The following NUDCD1 variants were observed in gnomAD, a reference collection of about 807,000 sequenced individuals.
NUDCD1 encodes nudC domain-containing protein 1.
In NUDCD1, 60 loss-of-function variants were observed where a neutral mutation model predicts 67.8. That is an observed-to-expected ratio of 0.88 (90% CI 0.72 to 1.10). NUDCD1 has a LOEUF of 1.10. Ranked by LOEUF, NUDCD1 falls within the 50% of genes least tolerant of loss-of-function variation. The pLI is 0.00. For missense variants in NUDCD1, 643 were observed against 695.0 expected, an observed-to-expected ratio of 0.93 and a Z score of 0.84; for synonymous variants, 244 against 230.8, an observed-to-expected ratio of 1.06 and a Z score of -0.52.
chr8:109,256,272 A>T (rs1052179152), intron 8 of NUDCD1, among the ~76,000 whole-genome samples: 9 of 152,210 alleles, frequency 5.9e-5, no homozygotes, highest in Non-Finnish European at 1.2e-4. Flanking sequence ...TCAGGACTGG[A>T]TGGCAGTGTT....
Position 109,296,528 on chromosome 8 carries a change from A to C in NUDCD1, c.315T>G (p.Pro105=), listed in dbSNP as rs1563675886. 1.2e-6 allele frequency: 2 copies of C among 1,611,060 alleles called. No individual in the cohort carries two copies. The highest frequency in any genetic ancestry group is 1.7e-4 in the Middle Eastern group (1 of 6,054). Reference sequence around the variant, plus strand: ...GGTTGTCACATGCTGTCAAATCTGTAGGAAGTCGAAACACCTCTCGTGGTT... The same window carrying C: ...GGTTGTCACATGCTGTCAAATCTGTCGGAAGTCGAAACACCTCTCGTGGTT... ...LGKPREVFRL[P]TDLTACDNRL... The change falls in exon 3 of 10, where the codon CCT becomes CCG. Residue 105 remains proline (P), a synonymous_variant. Transcript: ENST00000239690.
At chr8:109,247,488 T>C (rs1813526012) in intron 8 of NUDCD1, among the ~76,000 whole-genome samples, 1 of 152,162 alleles carries the variant, frequency 6.6e-6, no homozygotes, top group South Asian at 2.1e-4. Context: ...AATAAGAGGA[T>C]AAGAATGAAG....
Position 109,243,022 on chromosome 8 carries a change from T to C in NUDCD1, c.1739A>G (p.Asn580Ser), listed in dbSNP as rs754427105. The C allele has an allele frequency of 6.3e-7, 1 of 1,578,434 alleles. No individual in the cohort carries two copies. The highest frequency in any genetic ancestry group is 8.7e-7 in the Non-Finnish European group (1 of 1,148,410). ...TTKNLFLIKV[N>S]TEN ...ATGTTAGAATAATTAATTCTCTGTA[T>C]TTACTTTTATTAAAAAGAGGTTTTT... Residue 580 changes from asparagine (N) to serine (S), a missense_variant, in exon 10 of 10, where the codon AAT becomes AGT. Transcript: ENST00000239690.
intron 2 of NUDCD1, among the ~76,000 whole-genome samples, chr8:109,308,428 C>G (rs1294809747): frequency 1.3e-5 from 2 of 151,960 alleles, no homozygotes; most frequent in Non-Finnish European, 2.9e-5. Context: ...ACTAGAAAAA[C>G]AAGAACAAAC....
chr8:109,285,803 C>A (rs1158549129), intron 5 of NUDCD1, among the ~76,000 whole-genome samples: 1 of 152,208 alleles, frequency 6.6e-6, no homozygotes, highest in East Asian at 1.9e-4. Context: ...CCTGGAAGTA[C>A]TAACCAGAGC....
At chr8:109,264,230 T>C (rs1166263182) in intron 8 of NUDCD1, among the ~76,000 whole-genome samples, 1 of 152,210 alleles carries the variant, frequency 6.6e-6, no homozygotes, top group South Asian at 2.1e-4. Flanking sequence ...GAATTGAGAT[T>C]TGGCAAACAT....
chr8:109,273,961 G>T (rs1046545713), intron 7 of NUDCD1, among the ~76,000 whole-genome samples: 1 of 151,980 alleles, frequency 6.6e-6, no homozygotes, highest in Non-Finnish European at 1.5e-5. Context: ...TATGTAAAAG[G>T]ATAATACATC....
At chr8:109,317,991 T>C (rs1469084544) in intron 2 of NUDCD1, among the ~76,000 whole-genome samples, 1 of 152,228 alleles carries the variant, frequency 6.6e-6, no homozygotes, top group Non-Finnish European at 1.5e-5. Context: ...CCTGAACTTA[T>C]ATGTAGAAGT....
At chr8:109,262,588 T>C (rs977773893) in intron 8 of NUDCD1, among the ~76,000 whole-genome samples, 1 of 152,194 alleles carries the variant, frequency 6.6e-6, no homozygotes, top group Non-Finnish European at 1.5e-5. Flanking sequence ...GCTCAAACTA[T>C]GGTTATTCAG....
chr8:109,308,403 G>A (rs966725018), intron 2 of NUDCD1, among the ~76,000 whole-genome samples: 7 of 151,980 alleles, frequency 4.6e-5, no homozygotes, highest in African/African-American at 1.7e-4. Flanking sequence ...ACAATCTAAG[G>A]TCACACCTCA....
At chr8:109,267,479 G>A (rs1814030292) in intron 8 of NUDCD1, among the ~76,000 whole-genome samples, 1 of 152,202 alleles carries the variant, frequency 6.6e-6, no homozygotes, top group African/African-American at 2.4e-5. Flanking sequence ...GTGGAAAGTA[G>A]TTTGGAGATT....
intron 2 of NUDCD1, among the ~76,000 whole-genome samples, chr8:109,301,985 A>G (rs1349786106): frequency 6.6e-6 from 1 of 152,038 alleles, no homozygotes; most frequent in Non-Finnish European, 1.5e-5. Flanking sequence ...GCTTGCCCAC[A>G]TTGCAGCCCA....
intron 2 of NUDCD1, among the ~76,000 whole-genome samples, chr8:109,309,697 C>T (rs1456996365): frequency 6.6e-6 from 1 of 152,060 alleles, no homozygotes; most frequent in Admixed American, 6.5e-5. Flanking sequence ...TAACTATTTA[C>T]CTAGAAAACC....
Position 109,322,376 on chromosome 8 carries a change from G to A in NUDCD1, c.206C>T (p.Ser69Leu), listed in dbSNP as rs1815561749. 1.3e-6 allele frequency: 2 copies of A among 1,589,284 alleles called. No individual in the cohort carries two copies. ...FGMYNYLHCD[S>L]WYQDSVYYID... ...ATAGTAGACACTGTCTTGATACCAT[G>A]AATCACAGTGCAGGTAATTATACAT... The change falls in exon 2 of 10, where the codon TCA becomes TTA. Residue 69 changes from serine to leucine, a missense_variant. Coordinates refer to ENST00000239690, the MANE Select transcript of NUDCD1 (RefSeq NM_032869.4).
At chr8:109,258,729 T>C (rs1173205263) in intron 8 of NUDCD1, among the ~76,000 whole-genome samples, 3 of 152,148 alleles carry the variant, frequency 2.0e-5, no homozygotes, top group African/African-American at 7.2e-5. Context: ...ATTTCATTAC[T>C]ATCCCAAGGA....
chr8:109,299,706 G>A (rs1036269120), intron 2 of NUDCD1, among the ~76,000 whole-genome samples: 2 of 152,186 alleles, frequency 1.3e-5, no homozygotes, highest in Non-Finnish European at 2.9e-5. Flanking sequence ...ACTCTTGGGA[G>A]TTCTACAGCC....
chr8:109,307,160 C>A (rs897849189), intron 2 of NUDCD1, among the ~76,000 whole-genome samples: 4 of 152,168 alleles, frequency 2.6e-5, no homozygotes, highest in Non-Finnish European at 5.9e-5. Flanking sequence ...TGACATTCCA[C>A]CAATGTGATT....
chr8:109,306,421 G>C (rs1189674910), intron 2 of NUDCD1, among the ~76,000 whole-genome samples: 2 of 151,932 alleles, frequency 1.3e-5, no homozygotes, highest in Non-Finnish European at 2.9e-5. Context: ...CCTTCTTTAA[G>C]AAACAATTGT....
intron 5 of NUDCD1, among the ~76,000 whole-genome samples, chr8:109,283,989 T>TA (rs58089818): frequency 0.016 from 2,101 of 132,920 alleles, 17 homozygotes; most frequent in African/African-American, 0.026. Flanking sequence ...AAAGCTGGAT[T>TA]AAAAAAAAAA....
Sources: gnomAD v4.1 joint callset for allele counts (sites outside exome capture counted in the v4.1 genomes callset) on GRCh38, gnomAD v4.1.1 for gene constraint, MANE v1.5 for transcripts, NCBI Gene and HGNC (gene_info 2026-07-23, HGNC 2026-07-21) for gene names.